The following PRPF40B variants were observed in gnomAD, a reference collection of about 807,000 sequenced individuals.
The protein encoded by PRPF40B is pre-mRNA processing factor 40B.
Under a neutral mutation model 124.5 loss-of-function variants are expected in PRPF40B, and 56 were observed. That is an observed-to-expected ratio of 0.45 (90% confidence interval 0.36 to 0.56). The LOEUF (loss-of-function observed/expected upper bound fraction) is 0.56, where lower values mean the gene tolerates loss of function less well. Ranked by LOEUF, PRPF40B falls within the 20% of genes least tolerant of loss-of-function variation. The pLI, the probability that PRPF40B is intolerant of heterozygous loss-of-function variation, is 0.00. For missense variants in PRPF40B, 1,053 were observed against 1,169.5 expected (o/e 0.90, Z 1.45); for synonymous variants, 443 against 426.4 (o/e 1.04, Z -0.48).
chr12:49,644,414 A>G lies in PRPF40B; in HGVS notation c.*222A>G. ...CAGTCCTTGCCCTCAGCCCCAGACC[A>G]GAGATGGGTGGTATATGCCATGTGG... On this transcript the variant is annotated 3_prime_UTR_variant, in exon 26 of 26. Transcript: ENST00000548825. 1.7e-6 allele frequency: 1 copy of G among 572,058 alleles called. No individual in the cohort carries two copies. Among genetic ancestry groups the G allele is most frequent in the Non-Finnish European group, 3.2e-6 (1 of 317,220 alleles). The allele number at this position is 572,058 out of a possible 1,614,324, so 35.4% of individuals were successfully genotyped here. A position where few individuals can be genotyped will look rare whatever the true frequency, so the allele number is the denominator to read the frequency against.
chr12:49,638,166 G>C (rs752410278), intron 18 of PRPF40B: 8 of 231,182 alleles, frequency 3.5e-5, no homozygotes, highest in Non-Finnish European at 5.1e-5. Context: ...CAAAGGCAAG[G>C]GGGTGGAAAG....
chr12:49,623,038 A>AT (rs1940341893), upstream of PRPF40B, among the ~76,000 whole-genome samples: 1 of 146,942 alleles, frequency 6.8e-6, no homozygotes, highest in Non-Finnish European at 1.5e-5. Flanking sequence ...CAAGGGCGTG[A>AT]TTTCGGGGAT....
upstream of PRPF40B, chr12:49,623,493 C>T (rs1235525370): frequency 7.4e-6 from 9 of 1,213,572 alleles, no homozygotes; most frequent in African/African-American, 6.3e-5. Flanking sequence ...GGGGTGCGAC[C>T]CCCCGCCGGC....
chr12:49,631,385 C>A lies in PRPF40B; in HGVS notation c.85-16C>A. On this transcript the variant is annotated splice_polypyrimidine_tract_variant and intron_variant, in intron 2 of 25. Transcript: ENST00000548825. This position sits in a 1 kb window ranked among gnomAD's most constrained non-coding sequence, Gnocchi z 4.3. Reference sequence around the variant, plus strand: ...TGTCTTCCCTGCTCAGTATCTCTTCCTTTACTCATTTCCAGATGCCCCCTC... The same window carrying A: ...TGTCTTCCCTGCTCAGTATCTCTTCATTTACTCATTTCCAGATGCCCCCTC... The A allele has an allele frequency of 6.6e-7, 1 of 1,510,992 alleles. No individual in the cohort carries two copies. 93.6% of individuals were successfully genotyped at this position (1,510,992 alleles called of 1,614,324 possible).
In PRPF40B at chr12:49,642,907, CCTT is replaced by C. The variant is rs1183553689; in HGVS notation, c.2119-18_2119-16del. ...GGGCTAAGTCTGGTGCTGTCCTCAC[CCTT>C]CTTCCTCTGCCTCTAGCAGACTGAA... On this transcript the variant is annotated intron_variant, in intron 21 of 25. Transcript: ENST00000548825. The surrounding 1 kb of genome is among the most constrained non-coding windows in gnomAD (Gnocchi z 5.8). The C allele has an allele frequency of 5.0e-6, 8 of 1,605,512 alleles. No individual in the cohort carries two copies. The South Asian group carries it at 8.9e-5, about 18-fold the overall frequency.
Position 49,634,098 on chromosome 12 carries a change from G to A in PRPF40B, c.812+6G>A, listed in dbSNP as rs200804624. ...CTGGAGGAGGGCCCCAGCAGGTGAG[G>A]GCTGCCCCCCATGGCATTCCCAATG... is the stretch of plus-strand genomic sequence containing the variant. On this transcript the variant is annotated splice_donor_region_variant and intron_variant, in intron 10 of 25. Coordinates refer to ENST00000548825, the MANE Select transcript of PRPF40B (RefSeq NM_001031698.3). 6.2e-7 allele frequency: 1 copy of A among 1,610,908 alleles called. No individual in the cohort carries two copies. Among genetic ancestry groups the A allele is most frequent in the Admixed American group, 1.7e-5 (1 of 59,954 alleles).
intron 12 of PRPF40B, 173 bp downstream of exon 12, chr12:49,634,775 G>T (rs1029513597): frequency 1.4e-5 from 10 of 714,144 alleles, no homozygotes; most frequent in Non-Finnish European, 2.3e-5. Context: ...AGAAGGAAAG[G>T]AAAGGTATCT....
intron 22 of PRPF40B, 71 bp from the exon 23 acceptor site, chr12:49,643,152 C>T (rs531143131): frequency 9.4e-6 from 15 of 1,596,674 alleles, no homozygotes; most frequent in Admixed American, 6.8e-5. Context: ...CCTCCTCTCT[C>T]GAATTCCCAG....
Position 49,642,687 on chromosome 12 carries a change from T to C in PRPF40B, c.2118+12T>C, listed in dbSNP as rs1942834185. 6.2e-7 allele frequency: 1 copy of C among 1,612,408 alleles called. No homozygotes were observed. The highest frequency in any genetic ancestry group is 8.5e-7 in the Non-Finnish European group (1 of 1,179,154). Reference sequence around the variant, plus strand: ...TACAGGTGCTGGAGGTGAGGCAGGCTTGTCCTCTGGATCTGCCTCAGGCCC... The same window carrying C: ...TACAGGTGCTGGAGGTGAGGCAGGCCTGTCCTCTGGATCTGCCTCAGGCCC... On this transcript the variant is annotated intron_variant, in intron 21 of 25. Transcript: ENST00000548825. The surrounding 1 kb of genome is among the most constrained non-coding windows in gnomAD (Gnocchi z 5.8).
chr12:49,639,808 A>G (rs1320601362), intron 18 of PRPF40B: 1 of 152,240 alleles, frequency 6.6e-6, no homozygotes, highest in Non-Finnish European at 1.5e-5. Context: ...GGCACTATTG[A>G]TAAGGATAAA....
Position 49,642,101 on chromosome 12 carries a change from A to G in PRPF40B, c.1884+77A>G. 1 of 1,603,084 alleles carries G rather than the reference A, an allele frequency of 6.2e-7. No homozygotes were observed. ...TCCATTCCTTCTCACTCACTGTCCC[A>G]CTGACTATATTCCCAATTCAGGGGA... On this transcript the variant is annotated intron_variant, in intron 19 of 25. Coordinates refer to ENST00000548825, the MANE Select transcript of PRPF40B (RefSeq NM_001031698.3). This position sits in a 1 kb window ranked among gnomAD's most constrained non-coding sequence, Gnocchi z 5.8.
chr12:49,633,183 G>C, intron 7 of PRPF40B, 59 bp downstream of exon 7: 1 of 1,447,124 alleles, frequency 6.9e-7, no homozygotes, highest in Non-Finnish European at 9.5e-7. Context: ...CCAAGTCCTT[G>C]GCCTTCCCTT....
intron 18 of PRPF40B, chr12:49,638,313 T>C (rs1010618984): frequency 6.5e-6 from 1 of 153,758 alleles, no homozygotes; most frequent in East Asian, 1.9e-4. Context: ...AAACTTCACA[T>C]AGAAAATCTG....
At chr12:49,628,323 C>T (rs1824818155) in intron 1 of PRPF40B, among the ~76,000 whole-genome samples, 1 of 151,642 alleles carries the variant, frequency 6.6e-6, no homozygotes, top group African/African-American at 2.4e-5. Context: ...TGCAGTGGTG[C>T]AGTCTCAGCT....
chr12:49,637,782 A>G lies in PRPF40B; in HGVS notation c.1725A>G (p.Ala575=). ...LFKFYVEELK[A]RFHDEKKIIK... is the part of the protein sequence containing the mutation. ...AGTTCTATGTGGAGGAGTTGAAGGC[A>G]CGATTCCATGATGAAAAGAAGATCA... Residue 575 remains alanine (A), a synonymous_variant, in exon 18 of 26, where the codon GCA becomes GCG. Transcript: ENST00000548825. 6.2e-7 allele frequency: 1 copy of G among 1,607,800 alleles called. No homozygotes were observed. Among genetic ancestry groups the G allele is most frequent in the Non-Finnish European group, 8.5e-7 (1 of 1,176,602 alleles).
intron 2 of PRPF40B, among the ~76,000 whole-genome samples, chr12:49,630,942 C>T (rs1941165116): frequency 6.6e-6 from 1 of 152,172 alleles, no homozygotes; most frequent in Non-Finnish European, 1.5e-5. Context: ...TACTCCTTAC[C>T]TATGCTCTTT....
chr12:49,634,619 G>A lies in PRPF40B; in HGVS notation c.1001+17G>A. ...CCGTTACAGGTAGGCCTGGGCAGAG[G>A]GAGCCAGGCCCTGTTCATGAGAGCA... On this transcript the variant is annotated intron_variant, in intron 12 of 25. Transcript: ENST00000548825. 1 of 1,613,996 alleles carries A rather than the reference G, an allele frequency of 6.2e-7. No individual in the cohort carries two copies. Among genetic ancestry groups the A allele is most frequent in the Non-Finnish European group, 8.5e-7 (1 of 1,179,892 alleles).
At position 49,637,760 on chromosome 12, in the gene PRPF40B, T is replaced by A. The variant is rs770514767; in HGVS notation, c.1703T>A (p.Phe568Tyr). ...TCCACCCCTCTGGACTTATTCAAGTTCTATGTGGAGGAGTTGAAGGCACGA... is the reference window on the plus strand; with the variant it reads ...TCCACCCCTCTGGACTTATTCAAGTACTATGTGGAGGAGTTGAAGGCACGA... ...PGSTPLDLFK[F>Y]YVEELKARFH... Residue 568 changes from phenylalanine to tyrosine, a missense_variant, in exon 18 of 26, where the codon TTC becomes TAC. This residue lies in a region of PRPF40B where 895 missense variants were observed against 1,052.2 expected (regional missense o/e 0.85). Coordinates refer to ENST00000548825, the MANE Select transcript of PRPF40B (RefSeq NM_001031698.3). The A allele has an allele frequency of 6.2e-6, 10 of 1,611,822 alleles. No individual in the cohort carries two copies. Among genetic ancestry groups the A allele is most frequent in the Non-Finnish European group, 8.5e-6 (10 of 1,178,530 alleles).
chr12:49,642,542 G>C lies in PRPF40B; in HGVS notation c.2023-38G>C. 1.2e-6 allele frequency: 2 copies of C among 1,608,446 alleles called. No individual in the cohort carries two copies. The highest frequency in any genetic ancestry group is 1.7e-4 in the Middle Eastern group (1 of 6,054). ...TGGCGGTGTCCAGGCCAGGCTGAGT[G>C]GGGCCTAGTCTGATCAGCAGTGCTC... On this transcript the variant is annotated intron_variant, in intron 20 of 25. Transcript: ENST00000548825. The surrounding 1 kb of genome is among the most constrained non-coding windows in gnomAD (Gnocchi z 5.8).
Sources: allele counts gnomAD v4.1 joint callset (sites outside exome capture counted in the v4.1 genomes callset), GRCh38; gene constraint gnomAD v4.1.1; regional missense constraint gnomAD v4.1.1; non-coding constraint Gnocchi (gnomAD v3.1); transcripts MANE v1.5; gene names NCBI Gene and HGNC (gene_info 2026-07-23, HGNC 2026-07-21).